The following ARHGAP24 variants were observed in gnomAD, a reference collection of about 807,000 sequenced individuals.
ARHGAP24 encodes the protein rho GTPase-activating protein 24.
Under a neutral mutation model 76.4 loss-of-function variants are expected in ARHGAP24, and 50 were observed. The ratio of observed to expected loss-of-function variants is 0.65; its 90% CI spans 0.52 to 0.83. The LOEUF is 0.83. Ranked by LOEUF, ARHGAP24 falls within the 40% of genes least tolerant of loss-of-function variation. ARHGAP24 has a pLI of 0.00. For missense variants in ARHGAP24, 930 were observed against 914.2 expected (o/e 1.02, Z -0.22); for synonymous variants, 345 against 323.3 (o/e 1.07, Z -0.72).
chr4:85,767,674 GT>G (rs1726981854), intron 3 of ARHGAP24, among the ~76,000 whole-genome samples: 1 of 152,068 alleles, frequency 6.6e-6, no homozygotes, highest in African/African-American at 2.4e-5. Flanking sequence ...AAGAAACAAT[GT>G]TTTAAATTTT....
intron 1 of ARHGAP24, among the ~76,000 whole-genome samples, chr4:85,484,661 G>T (rs780572833): frequency 2.6e-5 from 4 of 152,120 alleles, no homozygotes; most frequent in Non-Finnish European, 5.9e-5. Context: ...TTGCTGCCTA[G>T]GCTGGAGTGC....
intron 3 of ARHGAP24, among the ~76,000 whole-genome samples, chr4:85,751,852 C>T (rs1389597652): frequency 6.6e-6 from 1 of 152,184 alleles, no homozygotes; most frequent in African/African-American, 2.4e-5. Flanking sequence ...TTAGGTAAAT[C>T]ATTTAACCTC....
intron 1 of ARHGAP24, among the ~76,000 whole-genome samples, chr4:85,567,861 C>T (rs1726908449): frequency 6.6e-6 from 1 of 152,144 alleles, no homozygotes; most frequent in African/African-American, 2.4e-5. Context: ...CCTCATCTAA[C>T]AATAGTTGTG....
At chr4:85,970,356 T>G (rs185361582) in intron 5 of ARHGAP24, among the ~76,000 whole-genome samples, 40 of 152,224 alleles carry the variant, frequency 2.6e-4, no homozygotes, top group Admixed American at 2.0e-4. Flanking sequence ...TATTAGATAG[T>G]ATGCAATAAT....
At chr4:85,528,375 G>A (rs1169135261) in intron 1 of ARHGAP24, among the ~76,000 whole-genome samples, 5 of 151,976 alleles carry the variant, frequency 3.3e-5, no homozygotes, top group Non-Finnish European at 5.9e-5. Flanking sequence ...TAAGAAATCA[G>A]GAGCCACTGG....
intron 4 of ARHGAP24, among the ~76,000 whole-genome samples, chr4:85,938,017 C>G (rs1168898741): frequency 1.3e-5 from 2 of 152,160 alleles, no homozygotes; most frequent in Non-Finnish European, 2.9e-5. Flanking sequence ...ACTTCATAGG[C>G]AGCCTCTAGC....
chr4:85,643,055 T>C (rs1241968552), intron 2 of ARHGAP24, among the ~76,000 whole-genome samples: 1 of 143,026 alleles, frequency 7.0e-6, no homozygotes, highest in Non-Finnish European at 1.5e-5. Context: ...AAGCCTTTCC[T>C]CTAGGTGACT....
In ARHGAP24 at chr4:85,583,464, C is replaced by T. The variant is rs148926309; in HGVS notation, c.180+12743C>T. ...AATCTGTATCCTTTAAAGACTTAAACGTTAGACCTAAAACCATAAAAACCC... is the reference window on the plus strand; with the variant it reads ...AATCTGTATCCTTTAAAGACTTAAATGTTAGACCTAAAACCATAAAAACCC... On this transcript the variant is annotated intron_variant, in intron 2 of 9. Transcript: ENST00000395184. Among the ~76,000 whole-genome samples, 861 of 151,980 alleles carry T rather than the reference C, an allele frequency of 5.7e-3. 3 individuals are homozygous for T. Among genetic ancestry groups the T allele is most frequent in the Admixed American group, 8.3e-3 (127 of 15,254 alleles).
rs187048247 is a variant in ARHGAP24 at position 85,691,229 on chromosome 4, T to A, written c.181-30656T>A. Among the ~76,000 whole-genome samples the A allele has an allele frequency of 1.4e-4, 22 of 152,272 alleles. No homozygotes were observed. The East Asian group carries it at 1.9e-3, about 13-fold the overall frequency. ...AGAGTATGCTTGGTATGACTTTGAT[T>A]TTTTTTAAAATGTATTGAGACTTTC... On this transcript the variant is annotated intron_variant, in intron 2 of 9. Transcript: ENST00000395184.
intron 1 of ARHGAP24, among the ~76,000 whole-genome samples, chr4:85,531,525 G>A (rs1455605189): frequency 6.6e-6 from 1 of 151,944 alleles, no homozygotes; most frequent in African/African-American, 2.4e-5. Flanking sequence ...ATCATTGTGG[G>A]AAAACAAAAG....
chr4:85,599,358 C>T (rs1486150691), intron 2 of ARHGAP24, among the ~76,000 whole-genome samples: 1 of 152,144 alleles, frequency 6.6e-6, no homozygotes, highest in African/African-American at 2.4e-5. Flanking sequence ...GAGCTCAGTT[C>T]ATCTTGTAAT....
At chr4:85,519,890 C>G (rs1350545464) in intron 1 of ARHGAP24, among the ~76,000 whole-genome samples, 1 of 152,086 alleles carries the variant, frequency 6.6e-6, no homozygotes, top group Non-Finnish European at 1.5e-5. Flanking sequence ...GTGTGGATGT[C>G]TCCTGTTTCC....
chr4:85,861,979 G>A (rs1560678824), intron 3 of ARHGAP24, among the ~76,000 whole-genome samples: 1 of 151,944 alleles, frequency 6.6e-6, no homozygotes, highest in Non-Finnish European at 1.5e-5. Flanking sequence ...TCTGAATCTG[G>A]CTCTTATTTC....
At chr4:85,501,375 C>T (rs2110099406) in intron 1 of ARHGAP24, among the ~76,000 whole-genome samples, 1 of 152,332 alleles carries the variant, frequency 6.6e-6, no homozygotes, top group African/African-American at 2.4e-5. Context: ...TCCACATCCT[C>T]TGCAGCATCT....
At chr4:85,972,316 G>T in intron 6 of ARHGAP24, 148 bp downstream of exon 6, 1 of 993,562 alleles carries the variant, frequency 1.0e-6, no homozygotes, top group Non-Finnish European at 1.5e-6. Context: ...GAGACTTTCC[G>T]TATACAGCTC....
At chr4:85,834,185 G>C (rs1362741307) in intron 3 of ARHGAP24, among the ~76,000 whole-genome samples, 1 of 152,066 alleles carries the variant, frequency 6.6e-6, no homozygotes, top group African/African-American at 2.4e-5. Flanking sequence ...TTATCAGAGA[G>C]AATAAAAAGA....
intron 3 of ARHGAP24, among the ~76,000 whole-genome samples, chr4:85,856,615 C>T (rs552370464): frequency 2.0e-5 from 3 of 151,792 alleles, no homozygotes; most frequent in African/African-American, 7.2e-5. Flanking sequence ...AGATTACAGG[C>T]ATGCACCACC....
At chr4:85,776,681 A>G (rs1177926674) in intron 3 of ARHGAP24, among the ~76,000 whole-genome samples, 3 of 152,024 alleles carry the variant, frequency 2.0e-5, no homozygotes, top group African/African-American at 7.3e-5. Context: ...CCCATAATCT[A>G]TTGTCTATGG....
At chr4:85,916,725 T>C (rs1270596374) in intron 3 of ARHGAP24, among the ~76,000 whole-genome samples, 1 of 152,156 alleles carries the variant, frequency 6.6e-6, no homozygotes, top group African/African-American at 2.4e-5. Flanking sequence ...TTCACTGAAA[T>C]GTCCTCAGTT....
Sources: allele counts gnomAD v4.1 joint callset (sites outside exome capture counted in the v4.1 genomes callset), GRCh38; gene constraint gnomAD v4.1.1; transcripts MANE v1.5; gene names NCBI Gene and HGNC (gene_info 2026-07-23, HGNC 2026-07-21).